Variants in MAGEA11 observed in about 807,000 individuals in gnomAD.
MAGEA11 encodes the protein MAGE family member A11, also known as melanoma-associated antigen 11.
MAGEA11 carries 1 observed loss-of-function variant against 8.4 expected under a neutral mutation model. The ratio of observed to expected loss-of-function variants is 0.12; its 90% CI spans 0.04 to 0.57. MAGEA11 has a LOEUF of 0.57. MAGEA11 is among the 20% of genes least tolerant of loss of function. The probability of loss-of-function intolerance (pLI) is 0.91; values close to 1 mark genes in which losing one functional copy is unlikely to be tolerated. For synonymous variants in MAGEA11, 127 were observed against 119.3 expected (o/e 1.06, Z -0.42); for missense variants, 209 against 317.3 (o/e 0.66, Z 2.59).
At chrX:149,704,558 A>G (rs782333761) in intron 1 of MAGEA11, among the ~76,000 whole-genome samples, 3 of 112,463 alleles carry the variant, frequency 2.7e-5, no homozygotes, top group African/African-American at 6.5e-5. Context: ...AAGTGAGAAG[A>G]TGGTGGAGCC....
chrX:149,707,646 G>T (rs192210124), upstream of MAGEA11, among the ~76,000 whole-genome samples: 1 of 111,495 alleles, frequency 9.0e-6, no homozygotes, highest in Non-Finnish European at 1.9e-5. Context: ...TCTAACCTCC[G>T]TATTGTATCC....
intron 1 of MAGEA11, among the ~76,000 whole-genome samples, chrX:149,690,266 G>A (rs1327683584): frequency 1.8e-5 from 2 of 112,750 alleles, no homozygotes; most frequent in African/African-American, 6.4e-5. Context: ...AAATTTATTA[G>A]AGATATGTCT....
chrX:149,706,340 A>G (rs1557361472), intron 1 of MAGEA11, among the ~76,000 whole-genome samples: 3 of 111,881 alleles, frequency 2.7e-5, no homozygotes, highest in Non-Finnish European at 3.8e-5. Flanking sequence ...GTACACCGAG[A>G]TCCTAGATGG....
chrX:149,716,855 T>A lies in MAGEA11; in HGVS notation c.*79T>A. The A allele has an allele frequency of 1.0e-6, 1 of 985,843 alleles. No individual in the cohort carries two copies. The highest frequency in any genetic ancestry group is 3.1e-5 in the East Asian group (1 of 32,587). The allele number at this position is 985,843 out of a possible 1,213,427, so 81.2% of individuals were successfully genotyped here. The stretch of plus-strand genomic sequence containing the variant: ...AGGGCCACACCCAGCAGTTTCCCTG[T>A]CCTGTGTGAAATCAGGCCCATTCTT... On this transcript the variant is annotated 3_prime_UTR_variant, in exon 5 of 5. Coordinates refer to ENST00000355220, the MANE Select transcript of MAGEA11 (RefSeq NM_005366.5).
Position 149,716,198 on chromosome X carries a change from C to A in MAGEA11, c.712C>A (p.Arg238=). Residue 238 remains arginine (R), a synonymous_variant, in exon 5 of 5, where the codon CGA becomes AGA. Coordinates refer to ENST00000355220, the MANE Select transcript of MAGEA11 (RefSeq NM_005366.5). ...DLVHLLLRKY[R]VKGLITKAEM... is the part of the protein sequence containing the mutation. Reference sequence around the variant, plus strand: ...GGTTCATTTATTGCTCCGCAAGTATCGAGTCAAGGGGCTGATCACAAAGGC... The same window carrying A: ...GGTTCATTTATTGCTCCGCAAGTATAGAGTCAAGGGGCTGATCACAAAGGC... The A allele has an allele frequency of 8.3e-7, 1 of 1,211,430 alleles. No homozygotes were observed. Among genetic ancestry groups the A allele is most frequent in the Non-Finnish European group, 1.1e-6 (1 of 895,013 alleles).
rs781975137 is a variant in MAGEA11 at position 149,704,307 on chromosome X, C to G, written c.10-10174C>G. Among the ~76,000 whole-genome samples the G allele has an allele frequency of 2.0e-4, 23 of 112,364 alleles. No homozygotes were observed. In the East Asian group the frequency reaches 3.9e-3, roughly 19 times the overall value. On this transcript the variant is annotated intron_variant, in intron 1 of 3. Transcript: ENST00000333104. ...GGGCTGCAGTTCAGAACCGCGACCCCTGCAATGAGCTTGTGCTCCATTAAC... is the reference window on the plus strand; with the variant it reads ...GGGCTGCAGTTCAGAACCGCGACCCGTGCAATGAGCTTGTGCTCCATTAAC...
At chrX:149,710,892 A>G (rs1379544122), upstream of MAGEA11, among the ~76,000 whole-genome samples, 1 of 112,027 alleles carries the variant, frequency 8.9e-6, no homozygotes, top group Non-Finnish European at 1.9e-5. Flanking sequence ...CAAAAAAAAC[A>G]TGAGAGAGCC....
chrX:149,707,945 T>C (rs1161638580), upstream of MAGEA11, among the ~76,000 whole-genome samples: 3 of 112,326 alleles, frequency 2.7e-5, no homozygotes, highest in Non-Finnish European at 5.6e-5. Context: ...TTAGAAAGGG[T>C]ATTCACTTTT....
chrX:149,716,858 T>A lies in MAGEA11; in HGVS notation c.*82T>A. On this transcript the variant is annotated 3_prime_UTR_variant, in exon 5 of 5. Transcript: ENST00000355220. Reference sequence around the variant, plus strand: ...GCCACACCCAGCAGTTTCCCTGTCCTGTGTGAAATCAGGCCCATTCTTCCC... The same window carrying A: ...GCCACACCCAGCAGTTTCCCTGTCCAGTGTGAAATCAGGCCCATTCTTCCC... 1 of 965,590 alleles carries A rather than the reference T, an allele frequency of 1.0e-6. No individual in the cohort carries two copies. Among genetic ancestry groups the A allele is most frequent in the Non-Finnish European group, 1.4e-6 (1 of 703,580 alleles). 79.6% of individuals were successfully genotyped at this position (965,590 alleles called of 1,213,427 possible).
At chrX:149,701,120 A>G (rs2090351262) in intron 1 of MAGEA11, among the ~76,000 whole-genome samples, 1 of 111,861 alleles carries the variant, frequency 8.9e-6, no homozygotes, top group African/African-American at 3.3e-5. Flanking sequence ...TTCTAGTTCC[A>G]GATCCCTGAG....
intron 1 of MAGEA11, among the ~76,000 whole-genome samples, chrX:149,694,721 CT>C (rs1400665861): frequency 9.1e-6 from 1 of 109,449 alleles, no homozygotes; most frequent in South Asian, 3.9e-4. Context: ...CTTTTCTTTT[CT>C]TTTTTTTAAT....
intron 2 of MAGEA11, chrX:149,713,536 C>T (rs2090412757): frequency 7.4e-6 from 2 of 270,586 alleles, no homozygotes; most frequent in East Asian, 7.1e-5. Flanking sequence ...AGATGGTGGT[C>T]GTGGCCTGCA....
At chrX:149,692,784 G>A (rs1557360257) in intron 1 of MAGEA11, among the ~76,000 whole-genome samples, 1 of 111,719 alleles carries the variant, frequency 9.0e-6, no homozygotes, top group Non-Finnish European at 1.9e-5. Flanking sequence ...CCGGTGGGAG[G>A]TAATCAAATC....
At chrX:149,696,949 T>C (rs2090332484) in intron 1 of MAGEA11, among the ~76,000 whole-genome samples, 1 of 111,890 alleles carries the variant, frequency 8.9e-6, no homozygotes, top group Non-Finnish European at 1.9e-5. Flanking sequence ...AAATAGTATT[T>C]TCCGTGGCCA....
At chrX:149,692,611 A>G (rs2090315008) in intron 1 of MAGEA11, among the ~76,000 whole-genome samples, 1 of 111,651 alleles carries the variant, frequency 9.0e-6, no homozygotes, top group Non-Finnish European at 1.9e-5. Flanking sequence ...TGGCCTCCCA[A>G]TTAATTATTT....
At position 149,691,163 on chromosome X, in the gene MAGEA11, AT is replaced by A. The variant is rs57954283; in HGVS notation, c.9+2189del. 9.1e-3 allele frequency among the ~76,000 whole-genome samples: 980 copies of A among 107,582 alleles called. 15 individuals carry two copies. Among genetic ancestry groups the A allele is most frequent in the African/African-American group, 0.031 (911 of 29,728 alleles). The allele number at this position is 107,582 out of a possible 115,157, so 93.4% of individuals were successfully genotyped here. A position where few individuals can be genotyped will look rare whatever the true frequency, so the allele number is the denominator to read the frequency against. The stretch of plus-strand genomic sequence containing the variant: ...CTTTATACATGTTTATTGTTTTGCG[AT>A]TTTTTTTTTAGTTTATTAGATTTTG... On this transcript the variant is annotated intron_variant, in intron 1 of 3. Coordinates refer to the MAGEA11 transcript ENST00000333104.
intron 1 of MAGEA11, 136 bp downstream of exon 1, chrX:149,712,298 C>T (rs1557361990): frequency 7.5e-6 from 2 of 266,056 alleles, no homozygotes; most frequent in Non-Finnish European, 5.1e-6. Context: ...CTCCTCAATG[C>T]CCAAGGAGAC....
chrX:149,713,275 C>A lies in MAGEA11; in HGVS notation c.96+20C>A, dbSNP rs782770625. On this transcript the variant is annotated intron_variant, in intron 2 of 4. Transcript: ENST00000355220. ...CTCCAGGTCAGTAGGGACCTTGGCCCTTGGAGTTCCAAGGCACGGTGGCCA... is the reference window on the plus strand; with the variant it reads ...CTCCAGGTCAGTAGGGACCTTGGCCATTGGAGTTCCAAGGCACGGTGGCCA... The A allele has an allele frequency of 9.3e-7, 1 of 1,070,274 alleles. No homozygotes were observed. Among genetic ancestry groups the A allele is most frequent in the Admixed American group, 2.5e-5 (1 of 39,973 alleles). 88.2% of individuals were successfully genotyped at this position (1,070,274 alleles called of 1,213,427 possible).
intron 1 of MAGEA11, among the ~76,000 whole-genome samples, chrX:149,703,334 C>G (rs2090362005): frequency 8.9e-6 from 1 of 112,333 alleles, no homozygotes; most frequent in African/African-American, 3.2e-5. Context: ...TTAAAATAAC[C>G]ATTGAGCCAT....
Sources: gnomAD v4.1 joint callset for allele counts (sites outside exome capture counted in the v4.1 genomes callset) on GRCh38, gnomAD v4.1.1 for gene constraint, MANE v1.5 for transcripts, NCBI Gene and HGNC (gene_info 2026-07-23, HGNC 2026-07-21) for gene names.